The following HDX variants were observed in gnomAD, a reference collection of about 807,000 sequenced individuals.
The protein encoded by HDX is highly divergent homeobox.
Under a neutral mutation model 45.2 loss-of-function variants are expected in HDX, and 19 were observed. That is an observed-to-expected ratio of 0.42 (90% confidence interval 0.29 to 0.62). HDX has a LOEUF of 0.62. HDX is among the 20% of genes least tolerant of loss of function. The pLI, the probability that HDX is intolerant of heterozygous loss-of-function variation, is 0.20. For synonymous variants in HDX, 188 were observed against 172.8 expected, an observed-to-expected ratio of 1.09 and a Z score of -0.69; for missense variants, 532 against 493.9, an observed-to-expected ratio of 1.08 and a Z score of -0.73.
At chrX:84,493,565 T>C (rs2040937930) in intron 1 of HDX, among the ~76,000 whole-genome samples, 1 of 112,089 alleles carries the variant, frequency 8.9e-6, no homozygotes, top group Non-Finnish European at 1.9e-5. Context: ...TATATGTCTA[T>C]AGCTACATCC....
intron 5 of HDX, among the ~76,000 whole-genome samples, chrX:84,384,456 T>C (rs2038260718): frequency 9.0e-6 from 1 of 110,984 alleles, no homozygotes; most frequent in South Asian, 3.8e-4. Context: ...GAATATTTTT[T>C]TCCCATTCTG....
chrX:84,367,354 G>A (rs1409729592), intron 5 of HDX, among the ~76,000 whole-genome samples: 1 of 112,242 alleles, frequency 8.9e-6, no homozygotes, highest in East Asian at 2.8e-4. Context: ...GGAAACAGCA[G>A]ATGCTGGAGA....
At chrX:84,398,639 C>T (rs1313263291) in intron 5 of HDX, among the ~76,000 whole-genome samples, 6 of 111,788 alleles carry the variant, frequency 5.4e-5, no homozygotes, top group African/African-American at 2.0e-4. Context: ...TATCACCCTA[C>T]TGTCAATATT....
intron 5 of HDX, among the ~76,000 whole-genome samples, chrX:84,384,576 G>T (rs1227943145): frequency 9.3e-6 from 1 of 107,864 alleles, no homozygotes; most frequent in African/African-American, 3.4e-5. Flanking sequence ...ATTGCTTTTG[G>T]GAACTTAGCC....
intron 5 of HDX, among the ~76,000 whole-genome samples, chrX:84,418,780 T>G (rs911792402): frequency 9.0e-6 from 1 of 110,880 alleles, no homozygotes; most frequent in Admixed American, 9.6e-5. Flanking sequence ...GGAAGGCACA[T>G]GACATACTGA....
chrX:84,424,695 G>T (rs2039345326), intron 5 of HDX, among the ~76,000 whole-genome samples: 1 of 111,052 alleles, frequency 9.0e-6, no homozygotes, highest in Non-Finnish European at 1.9e-5. Context: ...AAGCTTCCAG[G>T]AACATACACT....
At chrX:84,444,143 G>GA (rs1227323369) in intron 4 of HDX, among the ~76,000 whole-genome samples, 410 of 110,429 alleles carry the variant, frequency 3.7e-3, no homozygotes, top group African/African-American at 0.013. Context: ...CCTTTTAGGG[G>GA]AAAAAAAAGA....
chrX:84,390,620 T>C (rs1467451788), intron 5 of HDX, among the ~76,000 whole-genome samples: 1 of 111,915 alleles, frequency 8.9e-6, no homozygotes, highest in Admixed American at 9.5e-5. Context: ...TTATCCAAGA[T>C]AAATGAGTAT....
chrX:84,462,063 G>T (rs1444048044), intron 4 of HDX, among the ~76,000 whole-genome samples: 1 of 112,092 alleles, frequency 8.9e-6, no homozygotes, highest in African/African-American at 3.2e-5. Context: ...CTCATAAACT[G>T]CAGGTGGGAA....
intron 3 of HDX, among the ~76,000 whole-genome samples, chrX:84,472,412 G>A (rs1380316925): frequency 3.6e-5 from 4 of 111,338 alleles, no homozygotes; most frequent in Non-Finnish European, 7.5e-5. Context: ...CAAGATCCAT[G>A]TACTTCACTG....
chrX:84,323,442 T>A (rs2036642031), intron 10 of HDX, among the ~76,000 whole-genome samples: 2 of 111,278 alleles, frequency 1.8e-5, no homozygotes, highest in South Asian at 7.4e-4. Context: ...GATGCCATAT[T>A]AAAGAGGAGA....
chrX:84,339,596 T>C (rs1331847630), intron 7 of HDX, among the ~76,000 whole-genome samples: 1 of 111,673 alleles, frequency 9.0e-6, no homozygotes, highest in Non-Finnish European at 1.9e-5. Context: ...AGCTTCAATA[T>C]TTGTGAATGT....
chrX:84,480,365 G>A (rs1475003712), intron 2 of HDX, among the ~76,000 whole-genome samples: 2 of 111,304 alleles, frequency 1.8e-5, no homozygotes, highest in East Asian at 5.6e-4. Context: ...GACTGGCTAG[G>A]ACATAAATCA....
intron 5 of HDX, among the ~76,000 whole-genome samples, chrX:84,381,497 A>G (rs1345347105): frequency 1.8e-5 from 2 of 111,332 alleles, no homozygotes; most frequent in African/African-American, 3.3e-5. Context: ...TAAGAAATAG[A>G]CATGTAGAGC....
chrX:84,399,258 A>C (rs902968604), intron 5 of HDX, among the ~76,000 whole-genome samples: 6 of 107,419 alleles, frequency 5.6e-5, no homozygotes, highest in Non-Finnish European at 7.7e-5. Flanking sequence ...ACCCCCCCCC[A>C]AAAAAACAAT....
At chrX:84,380,192 C>A (rs979809654) in intron 5 of HDX, among the ~76,000 whole-genome samples, 2 of 108,779 alleles carry the variant, frequency 1.8e-5, no homozygotes, top group African/African-American at 6.6e-5. Context: ...CCCAAACAGA[C>A]CAATAACAAG....
At chrX:84,493,160 T>C (rs1353210608) in intron 1 of HDX, among the ~76,000 whole-genome samples, 1 of 111,777 alleles carries the variant, frequency 8.9e-6, no homozygotes, top group Non-Finnish European at 1.9e-5. Context: ...TTAGATATTG[T>C]AAAAAATAAA....
intron 4 of HDX, among the ~76,000 whole-genome samples, chrX:84,461,733 A>G (rs1435867581): frequency 9.0e-6 from 1 of 111,707 alleles, no homozygotes; most frequent in Non-Finnish European, 1.9e-5. Context: ...GAGACAACAC[A>G]CAGAATGGGA....
At chrX:84,364,858 C>T (rs1431648053) in intron 5 of HDX, among the ~76,000 whole-genome samples, 4 of 110,966 alleles carry the variant, frequency 3.6e-5, no homozygotes, top group Non-Finnish European at 7.5e-5. Flanking sequence ...CAAGGAGTAT[C>T]ACTCTTTCCG....
Sources: allele counts gnomAD v4.1 joint callset (sites outside exome capture counted in the v4.1 genomes callset), GRCh38; gene constraint gnomAD v4.1.1; transcripts MANE v1.5; gene names NCBI Gene and HGNC (gene_info 2026-07-23, HGNC 2026-07-21).